SOCS6: variants seen among roughly 807,000 people sequenced by gnomAD.
SOCS6 encodes STAT induced STAT inhibitor-4.
A neutral mutation model predicts 27.7 loss-of-function variants in SOCS6; 5 were observed. That is an observed-to-expected ratio of 0.18 (90% confidence interval 0.09 to 0.38). The LOEUF is 0.38. SOCS6 is among the 10% of genes least tolerant of loss of function. SOCS6 has a pLI of 1.00. For missense variants in SOCS6, 595 were observed against 688.1 expected (o/e 0.86, Z 1.51); for synonymous variants, 271 against 260.0 (o/e 1.04, Z -0.41).
chr18:70,301,112 C>T (rs1483073896), intron 1 of SOCS6, among the ~76,000 whole-genome samples: 1 of 152,122 alleles, frequency 6.6e-6, no homozygotes, highest in African/African-American at 2.4e-5. Context: ...GGCAGGCTCA[C>T]CAGTTAGCCA....
chr18:70,294,914 G>A (rs1454255752), intron 1 of SOCS6, among the ~76,000 whole-genome samples: 1 of 152,186 alleles, frequency 6.6e-6, no homozygotes. Flanking sequence ...TTGTTAAAAG[G>A]GCATCACACT....
In SOCS6 at chr18:70,315,291, C is replaced by A. The variant is rs920183139; in HGVS notation, c.-126-9252C>A. Among the ~76,000 whole-genome samples, 49 of 152,208 alleles carry A rather than the reference C, an allele frequency of 3.2e-4. 1 individual carries two copies. The highest frequency in any genetic ancestry group is 1.2e-3 in the African/African-American group (48 of 41,542). ...TGGACCTATGTCTTTATTGTCCTCC[C>A]CTTTTTTCTTTCTCCTGAAGGAAAA... On this transcript the variant is annotated intron_variant, in intron 1 of 1. Coordinates refer to ENST00000397942, the MANE Select transcript of SOCS6 (RefSeq NM_004232.4).
At chr18:70,292,225 C>T (rs1339880426) in intron 1 of SOCS6, among the ~76,000 whole-genome samples, 1 of 152,228 alleles carries the variant, frequency 6.6e-6, no homozygotes, top group Non-Finnish European at 1.5e-5. Flanking sequence ...CATCCATTTA[C>T]CCGCTCTGTC....
intron 1 of SOCS6, among the ~76,000 whole-genome samples, chr18:70,289,690 G>C (rs1701591497): frequency 6.6e-6 from 1 of 151,014 alleles, no homozygotes; most frequent in African/African-American, 2.4e-5. Flanking sequence ...CCGCCCCACC[G>C]CGAGGTCGCG....
At chr18:70,312,238 C>T (rs1327566227) in intron 1 of SOCS6, among the ~76,000 whole-genome samples, 1 of 152,124 alleles carries the variant, frequency 6.6e-6, no homozygotes, top group Non-Finnish European at 1.5e-5. Flanking sequence ...AGGGTTATAA[C>T]AAAGACTTGG....
At chr18:70,295,580 A>G (rs2062319451) in intron 1 of SOCS6, among the ~76,000 whole-genome samples, 1 of 152,208 alleles carries the variant, frequency 6.6e-6, no homozygotes, top group Admixed American at 6.5e-5. Context: ...GTTTGTTGAC[A>G]TTGCTTTTAA....
At chr18:70,313,271 A>T (rs1004437677) in intron 1 of SOCS6, among the ~76,000 whole-genome samples, 6 of 151,956 alleles carry the variant, frequency 3.9e-5, no homozygotes, top group Non-Finnish European at 7.4e-5. Context: ...CCTTTCTCTT[A>T]CTGATTTCTA....
chr18:70,289,252 A>G (rs914432834), intron 1 of SOCS6, among the ~76,000 whole-genome samples, 162 bp downstream of exon 1: 1 of 148,250 alleles, frequency 6.7e-6, no homozygotes, highest in Non-Finnish European at 1.5e-5. Flanking sequence ...GGCTGCAGCG[A>G]CGGGTCTGGG....
chr18:70,303,374 CATAA>C (rs1477876503), intron 1 of SOCS6, among the ~76,000 whole-genome samples: 2 of 152,000 alleles, frequency 1.3e-5, no homozygotes, highest in African/African-American at 4.8e-5. Context: ...TACTTTTTGT[CATAA>C]ATAATGATCC....
chr18:70,305,510 C>A (rs1010405731), intron 1 of SOCS6, among the ~76,000 whole-genome samples: 1 of 152,084 alleles, frequency 6.6e-6, no homozygotes, highest in Non-Finnish European at 1.5e-5. Flanking sequence ...TAAGCACTTT[C>A]GAAATTGGAT....
chr18:70,294,322 G>A (rs1271728796), intron 1 of SOCS6, among the ~76,000 whole-genome samples: 2 of 152,048 alleles, frequency 1.3e-5, no homozygotes. Flanking sequence ...TGGCCACTGA[G>A]TAGGAGTCCG....
At chr18:70,304,839 T>C (rs752832947) in intron 1 of SOCS6, among the ~76,000 whole-genome samples, 1 of 152,248 alleles carries the variant, frequency 6.6e-6, no homozygotes, top group African/African-American at 2.4e-5. Context: ...TTTTCTCTTA[T>C]ATATTGTGCT....
chr18:70,320,917 T>C lies in SOCS6; in HGVS notation c.-126-3626T>C, dbSNP rs1371617729. Among the ~76,000 whole-genome samples, 6 of 152,198 alleles carry C rather than the reference T, an allele frequency of 3.9e-5. No individual in the cohort carries two copies. In the South Asian group the frequency reaches 6.2e-4, roughly 16 times the overall value. ...TCATGTGGTACCACTTTCACTGATT[T>C]TTATTATCATTCATGAAAATGTTAT... On this transcript the variant is annotated intron_variant, in intron 1 of 1. Transcript: ENST00000397942.
Position 70,325,688 on chromosome 18 carries a change from G to T in SOCS6, c.1020G>T (p.Met340Ile). 1 of 1,614,226 alleles carries T rather than the reference G, an allele frequency of 6.2e-7. No homozygotes were observed. Among genetic ancestry groups the T allele is most frequent in the South Asian group, 1.1e-5 (1 of 91,082 alleles). The change falls in exon 2 of 2, where the codon ATG (methionine) becomes ATT (isoleucine). Residue 340 changes from methionine to isoleucine, a missense_variant. Around this residue, in one of 2 missense-constraint regions of SOCS6, gnomAD observed 467 missense variants for 481.1 expected, o/e 0.97. Coordinates refer to ENST00000397942, the MANE Select transcript of SOCS6 (RefSeq NM_004232.4). The surrounding 1 kb of genome is among the most constrained non-coding windows in gnomAD (Gnocchi z 6.3). Reference protein sequence around the residue: ...TGTEAHVAESMRCHLNFDPNS... With the variant: ...TGTEAHVAESIRCHLNFDPNS... The stretch of plus-strand genomic sequence containing the variant: ...CAGAAGCCCACGTGGCTGAAAGTAT[G>T]CGCTGTCATTTGAATTTTGATCCGA...
intron 1 of SOCS6, among the ~76,000 whole-genome samples, chr18:70,323,703 A>G (rs1356545136): frequency 6.6e-6 from 1 of 152,210 alleles, no homozygotes; most frequent in Non-Finnish European, 1.5e-5. Context: ...ATCTCTAGAT[A>G]GTTTATTACA....
chr18:70,306,800 A>G (rs2366182), intron 1 of SOCS6, among the ~76,000 whole-genome samples: 3,998 of 152,302 alleles, frequency 0.026, 198 homozygotes, highest in African/African-American at 0.089. Context: ...GGTGTTGTCA[A>G]TGCCTTTCTG....
At chr18:70,321,289 T>C (rs918453597) in intron 1 of SOCS6, among the ~76,000 whole-genome samples, 2 of 137,362 alleles carry the variant, frequency 1.5e-5, no homozygotes, top group African/African-American at 5.3e-5. Flanking sequence ...CTTCAATAAA[T>C]AAATAAATAA....
chr18:70,301,015 A>C (rs532192154), intron 1 of SOCS6, among the ~76,000 whole-genome samples: 1 of 152,182 alleles, frequency 6.6e-6, no homozygotes, highest in African/African-American at 2.4e-5. Context: ...TTCTGTTTTT[A>C]TGTAGTTGTA....
intron 1 of SOCS6, among the ~76,000 whole-genome samples, chr18:70,300,642 T>C (rs1225907130): frequency 2.0e-5 from 3 of 152,200 alleles, no homozygotes; most frequent in Non-Finnish European, 4.4e-5. Flanking sequence ...CAGAAGCTTT[T>C]AGAACTGGAC....
Sources: allele counts gnomAD v4.1 joint callset (sites outside exome capture counted in the v4.1 genomes callset), GRCh38; gene constraint gnomAD v4.1.1; regional missense constraint gnomAD v4.1.1; non-coding constraint Gnocchi (gnomAD v3.1); transcripts MANE v1.5; gene names NCBI Gene and HGNC (gene_info 2026-07-23, HGNC 2026-07-21).